LEKR1: variants seen among roughly 807,000 people sequenced by gnomAD.
The protein encoded by LEKR1 is protein LEKR1.
A neutral mutation model predicts 72.4 loss-of-function variants in LEKR1; 59 were observed. That is an observed-to-expected ratio of 0.82 (90% CI 0.66 to 1.01). The LOEUF (loss-of-function observed/expected upper bound fraction) is 1.01, where lower values mean the gene tolerates loss of function less well. Among genes scored for constraint, LEKR1 ranks in the 50% least tolerant of loss-of-function variants. The probability of loss-of-function intolerance (pLI) is 0.00; values close to 1 mark genes in which losing one functional copy is unlikely to be tolerated. For missense variants in LEKR1, 728 were observed against 759.2 expected, an observed-to-expected ratio of 0.96 and a Z score of 0.48; for synonymous variants, 257 against 263.2, an observed-to-expected ratio of 0.98 and a Z score of 0.23.
intron 3 of LEKR1, among the ~76,000 whole-genome samples, chr3:156,877,081 A>T (rs1344262666): frequency 6.6e-6 from 1 of 152,130 alleles, no homozygotes. Flanking sequence ...TGAGATGATC[A>T]TGATTTTTAA....
At chr3:156,949,460 C>A (rs1203647627) in intron 6 of LEKR1, among the ~76,000 whole-genome samples, 1 of 151,670 alleles carries the variant, frequency 6.6e-6, no homozygotes, top group East Asian at 1.9e-4. Flanking sequence ...TATCAAAGAT[C>A]AGATTGTTGT....
chr3:157,039,737 G>C (rs1735219743), intron 12 of LEKR1, among the ~76,000 whole-genome samples: 1 of 152,172 alleles, frequency 6.6e-6, no homozygotes, highest in Admixed American at 6.5e-5. Flanking sequence ...ATTTGCAAGA[G>C]GGACTTGCTT....
chr3:157,014,010 A>G lies in LEKR1; in HGVS notation c.1203+2504A>G, dbSNP rs1479062759. ...ATGGCACATTTTAAAATAACTACGTATTTACTAATTGTCATGGATTTTTAT... is the reference window on the plus strand; with the variant it reads ...ATGGCACATTTTAAAATAACTACGTGTTTACTAATTGTCATGGATTTTTAT... On this transcript the variant is annotated intron_variant, in intron 10 of 12. Coordinates refer to ENST00000356539, the MANE Select transcript of LEKR1 (RefSeq NM_001004316.3). 2.0e-5 allele frequency among the ~76,000 whole-genome samples: 3 copies of G among 152,102 alleles called. No homozygotes were observed. In the East Asian group the frequency reaches 5.8e-4, roughly 29 times the overall value.
At chr3:157,034,050 GAA>G (rs35643684) in intron 12 of LEKR1, among the ~76,000 whole-genome samples, 1 of 147,596 alleles carries the variant, frequency 6.8e-6, no homozygotes. Flanking sequence ...CTACTGTTCA[GAA>G]AAAAAAAAAA....
At chr3:157,002,222 A>G (rs1001870369) in intron 9 of LEKR1, among the ~76,000 whole-genome samples, 11 of 152,190 alleles carry the variant, frequency 7.2e-5, no homozygotes, top group Admixed American at 2.0e-4. Context: ...ATACATTTTC[A>G]GCTACTTATA....
At chr3:157,023,536 G>A (rs752121716) in intron 10 of LEKR1, among the ~76,000 whole-genome samples, 5 of 152,176 alleles carry the variant, frequency 3.3e-5, no homozygotes, top group Non-Finnish European at 4.4e-5. Flanking sequence ...AAGGGTCAGA[G>A]TGTGGAAGTA....
At chr3:157,033,771 A>G (rs1162528180) in intron 12 of LEKR1, among the ~76,000 whole-genome samples, 4 of 152,236 alleles carry the variant, frequency 2.6e-5, no homozygotes, top group African/African-American at 9.6e-5. Flanking sequence ...GGTACCATCT[A>G]GGACTTTCAT....
At chr3:156,989,716 T>G (rs1730995176) in intron 7 of LEKR1, among the ~76,000 whole-genome samples, 1 of 152,164 alleles carries the variant, frequency 6.6e-6, no homozygotes. Flanking sequence ...AGCACCCAGA[T>G]AGTCTTTACC....
chr3:156,877,179 G>A (rs975068242), intron 3 of LEKR1, among the ~76,000 whole-genome samples: 2 of 152,004 alleles, frequency 1.3e-5, no homozygotes, highest in African/African-American at 4.8e-5. Context: ...TGATCATGGT[G>A]TATTATCTCT....
intron 4 of LEKR1, among the ~76,000 whole-genome samples, chr3:156,923,245 T>TC (rs762143690): frequency 3.9e-5 from 6 of 152,314 alleles, no homozygotes; most frequent in African/African-American, 7.2e-5. Flanking sequence ...CACCAAATGT[T>TC]AGCTATTAGA....
chr3:156,865,876 C>G (rs1717254871), intron 3 of LEKR1, among the ~76,000 whole-genome samples: 1 of 151,910 alleles, frequency 6.6e-6, no homozygotes, highest in Admixed American at 6.6e-5. Context: ...GATTATATAC[C>G]TCTTTTTTCA....
chr3:156,880,418 T>A (rs1719152132), intron 3 of LEKR1, among the ~76,000 whole-genome samples: 1 of 152,232 alleles, frequency 6.6e-6, no homozygotes, highest in Non-Finnish European at 1.5e-5. Context: ...GATAAATTCC[T>A]TGACACATAC....
chr3:156,871,659 T>C (rs1427842281), intron 3 of LEKR1, among the ~76,000 whole-genome samples: 2 of 152,202 alleles, frequency 1.3e-5, no homozygotes, highest in Non-Finnish European at 2.9e-5. Context: ...CTAACTGGTG[T>C]GAGATGGTAT....
intron 6 of LEKR1, among the ~76,000 whole-genome samples, chr3:156,967,409 C>A (rs1488098739): frequency 6.6e-6 from 1 of 152,008 alleles, no homozygotes; most frequent in East Asian, 1.9e-4. Context: ...ACTAGAATAA[C>A]CAGTGCAGAG....
intron 6 of LEKR1, among the ~76,000 whole-genome samples, chr3:156,948,932 T>G (rs1250789646): frequency 6.6e-6 from 1 of 151,398 alleles, no homozygotes; most frequent in Non-Finnish European, 1.5e-5. Context: ...GTGAACTTTT[T>G]TTTCCTATTT....
At chr3:157,034,712 G>GC (rs749308819) in intron 12 of LEKR1, among the ~76,000 whole-genome samples, 5 of 152,210 alleles carry the variant, frequency 3.3e-5, no homozygotes, top group Non-Finnish European at 7.3e-5. Flanking sequence ...AAGTTCTACT[G>GC]CGGGTAAAAT....
rs750373006 is a variant in LEKR1, at chr3:157,011,428, TTCACA to T, written c.1129_1133del (p.His377GlufsTer11). On this transcript the variant is annotated frameshift_variant, in exon 10 of 13. Coordinates refer to ENST00000356539, the MANE Select transcript of LEKR1 (RefSeq NM_001004316.3). LOFTEE classifies it high-confidence loss of function. ...TGATTTTCAGGGAATTGATGCTGAT[TTCACA>T]TCAGAAAAGCATCGAGCAGCTGCAA... 1 of 1,612,572 alleles carries T rather than the reference TTCACA, an allele frequency of 6.2e-7. No individual in the cohort carries two copies. Among genetic ancestry groups the T allele is most frequent in the South Asian group, 1.1e-5 (1 of 91,020 alleles).
At chr3:156,861,471 C>T (rs1716756191) in intron 3 of LEKR1, among the ~76,000 whole-genome samples, 1 of 152,078 alleles carries the variant, frequency 6.6e-6, no homozygotes, top group Non-Finnish European at 1.5e-5. Context: ...GAACTATTTT[C>T]AATCTCTGGG....
At position 157,021,245 on chromosome 3, in the gene LEKR1, T is replaced by C. The variant is rs570095788; in HGVS notation, c.1204-3515T>C. The stretch of plus-strand genomic sequence containing the variant: ...TTTATAGGTTGCCTGTTCACTCTGA[T>C]GGTAGTTTCTTTTGCTGTGCAGAAG... On this transcript the variant is annotated intron_variant, in intron 10 of 12. Coordinates refer to ENST00000356539, the MANE Select transcript of LEKR1 (RefSeq NM_001004316.3). Among the ~76,000 whole-genome samples, 312 of 152,132 alleles carry C rather than the reference T, an allele frequency of 2.1e-3. 4 individuals carry two copies. Among genetic ancestry groups the C allele is most frequent in the African/African-American group, 7.0e-3 (292 of 41,516 alleles).
Sources: gnomAD v4.1 joint callset for allele counts (sites outside exome capture counted in the v4.1 genomes callset) on GRCh38, gnomAD v4.1.1 for gene constraint, MANE v1.5 for transcripts, NCBI Gene and HGNC (gene_info 2026-07-23, HGNC 2026-07-21) for gene names.